The following ZBTB20 variants were observed in gnomAD, a reference collection of about 807,000 sequenced individuals.
ZBTB20 encodes zinc finger and BTB domain-containing protein 20.
ZBTB20 carries 9 observed loss-of-function variants against 56.9 expected under a neutral mutation model. That is an observed-to-expected ratio of 0.16 (90% CI 0.10 to 0.28). ZBTB20 has a LOEUF of 0.28. Ranked by LOEUF, ZBTB20 falls within the 10% of genes least tolerant of loss-of-function variation. The probability of loss-of-function intolerance (pLI) is 1.00; values close to 1 mark genes in which losing one functional copy is unlikely to be tolerated. For missense variants in ZBTB20, 655 were observed against 1,003.0 expected, an observed-to-expected ratio of 0.65 and a Z score of 4.69; for synonymous variants, 417 against 420.7, an observed-to-expected ratio of 0.99 and a Z score of 0.11.
chr3:115,092,894 A>G (rs1474359767), intron 1 of ZBTB20, among the ~76,000 whole-genome samples: 3 of 152,190 alleles, frequency 2.0e-5, no homozygotes, highest in African/African-American at 7.2e-5. Flanking sequence ...CTCAAGCCAC[A>G]TAAATGTCCG....
intron 3 of ZBTB20, among the ~76,000 whole-genome samples, chr3:114,964,404 G>A (rs112885719): frequency 1.1e-4 from 16 of 152,202 alleles, no homozygotes; most frequent in East Asian, 1.9e-4. Flanking sequence ...AACAGAGTGC[G>A]AGTCTGTCTC....
intron 5 of ZBTB20, among the ~76,000 whole-genome samples, chr3:114,780,966 G>A (rs2108773508): frequency 6.6e-6 from 1 of 152,002 alleles, no homozygotes; most frequent in East Asian, 1.9e-4. Context: ...GAATATGCAA[G>A]TTGAAGGAAA....
chr3:114,885,584 T>C (rs893606885), intron 4 of ZBTB20, among the ~76,000 whole-genome samples: 3 of 139,520 alleles, frequency 2.2e-5, no homozygotes, highest in South Asian at 2.3e-4. Flanking sequence ...TTTTTTTTTT[T>C]CGGCAACAGA....
intron 7 of ZBTB20, among the ~76,000 whole-genome samples, chr3:114,469,570 G>A (rs2039887446): frequency 6.6e-6 from 1 of 152,150 alleles, no homozygotes; most frequent in African/African-American, 2.4e-5. Context: ...TCTGATTCAT[G>A]AGAAATCAGC....
At chr3:114,660,909 A>G (rs2060685444) in intron 6 of ZBTB20, among the ~76,000 whole-genome samples, 1 of 152,120 alleles carries the variant, frequency 6.6e-6, no homozygotes, top group Admixed American at 6.6e-5. Context: ...AGAGACAGCA[A>G]GTGAGAGAGA....
chr3:114,477,195 TC>T (rs1393844613), intron 7 of ZBTB20, among the ~76,000 whole-genome samples: 1 of 152,196 alleles, frequency 6.6e-6, no homozygotes, highest in Non-Finnish European at 1.5e-5. Flanking sequence ...CATTTCTATC[TC>T]CAGGCTAAAT....
At chr3:115,071,480 T>G (rs1304279205) in intron 1 of ZBTB20, 66 bp from the exon 2 acceptor site, 1 of 152,152 alleles carries the variant, frequency 6.6e-6, no homozygotes, top group Non-Finnish European at 1.5e-5. Context: ...TATACCAAAT[T>G]AGTATTCCAT....
chr3:114,464,764 G>T (rs1176144970), intron 7 of ZBTB20, among the ~76,000 whole-genome samples: 1 of 151,942 alleles, frequency 6.6e-6, no homozygotes, highest in African/African-American at 2.4e-5. Flanking sequence ...TGAGGCCATT[G>T]TAGACCAGCT....
chr3:114,650,313 A>G (rs2060064755), intron 6 of ZBTB20, among the ~76,000 whole-genome samples: 1 of 151,940 alleles, frequency 6.6e-6, no homozygotes, highest in South Asian at 2.1e-4. Flanking sequence ...ATTGAAAATA[A>G]TCTTTAGAGA....
chr3:114,861,111 C>G (rs749457476), intron 4 of ZBTB20, among the ~76,000 whole-genome samples: 5 of 152,224 alleles, frequency 3.3e-5, no homozygotes, highest in African/African-American at 4.8e-5. Flanking sequence ...TGCTCTTCCT[C>G]TAGGGTTTAG....
intron 7 of ZBTB20, among the ~76,000 whole-genome samples, chr3:114,393,508 T>G (rs1330117853): frequency 6.6e-6 from 1 of 152,210 alleles, no homozygotes; most frequent in Non-Finnish European, 1.5e-5. Flanking sequence ...AAGTGTCACC[T>G]AGCTCCATCT....
At chr3:115,019,865 A>C (rs765130874) in intron 2 of ZBTB20, among the ~76,000 whole-genome samples, 11 of 151,340 alleles carry the variant, frequency 7.3e-5, no homozygotes, top group Non-Finnish European at 1.5e-4. Context: ...TAAAAGGAAA[A>C]ACTGAGCAAA....
intron 2 of ZBTB20, among the ~76,000 whole-genome samples, chr3:115,006,758 G>A (rs2079490223): frequency 6.6e-6 from 1 of 151,588 alleles, no homozygotes; most frequent in African/African-American, 2.4e-5. Flanking sequence ...GAGGAACTAA[G>A]TACCTTTTAA....
rs980509537 is a variant in ZBTB20, at chr3:114,331,499, T to C, written c.*7506A>G. On this transcript the variant is annotated 3_prime_UTR_variant, in exon 12 of 12. Transcript: ENST00000675478. ...TGGTGGGAAGAGGCAACTGTATCTA[T>C]GCACGAGGACCTCTGCCTGTGTGTG... is the stretch of plus-strand genomic sequence containing the variant. The C allele has an allele frequency of 3.3e-5, 5 of 152,196 alleles. No individual in the cohort carries two copies. Among genetic ancestry groups the C allele is most frequent in the African/African-American group, 1.2e-4 (5 of 41,456 alleles). The allele number at this position is 152,196 out of a possible 1,614,324, so 9.4% of individuals were successfully genotyped here.
intron 6 of ZBTB20, among the ~76,000 whole-genome samples, chr3:114,570,442 T>C (rs945961885): frequency 1.9e-4 from 28 of 151,202 alleles, no homozygotes; most frequent in Admixed American, 1.8e-3. Flanking sequence ...ACATTGTAAA[T>C]ATTAAATTCA....
At chr3:114,932,779 A>T (rs531346108) in intron 3 of ZBTB20, among the ~76,000 whole-genome samples, 1 of 152,202 alleles carries the variant, frequency 6.6e-6, no homozygotes, top group African/African-American at 2.4e-5. Context: ...ATAACCATCA[A>T]TAGTTCCTCA....
chr3:114,611,096 C>T (rs974695401), intron 6 of ZBTB20, among the ~76,000 whole-genome samples: 6 of 152,122 alleles, frequency 3.9e-5, no homozygotes, highest in African/African-American at 1.4e-4. Context: ...ATCTCTGGGA[C>T]TATCTCAAGC....
chr3:115,028,593 T>G (rs542698550), intron 2 of ZBTB20, among the ~76,000 whole-genome samples: 8 of 150,682 alleles, frequency 5.3e-5, no homozygotes, highest in African/African-American at 1.9e-4. Flanking sequence ...ATAATTTTGC[T>G]TATAAGGATA....
intron 2 of ZBTB20, among the ~76,000 whole-genome samples, chr3:115,046,584 A>C (rs2081341572): frequency 1.3e-5 from 2 of 152,210 alleles, no homozygotes; most frequent in Admixed American, 6.5e-5. Context: ...ATTGATATGT[A>C]TGACTTAATA....
Sources: allele counts gnomAD v4.1 joint callset (sites outside exome capture counted in the v4.1 genomes callset), GRCh38; gene constraint gnomAD v4.1.1; transcripts MANE v1.5; gene names NCBI Gene and HGNC (gene_info 2026-07-23, HGNC 2026-07-21).